The following ARFGAP3 variants were observed in gnomAD, a reference collection of about 807,000 sequenced individuals.
ARFGAP3 encodes ADP-ribosylation factor GTPase-activating protein 3.
A neutral mutation model predicts 75.0 loss-of-function variants in ARFGAP3; 72 were observed. The observed-to-expected ratio is 0.96, with a 90% CI of 0.79 to 1.17. The LOEUF (loss-of-function observed/expected upper bound fraction) is 1.17. Among genes scored for constraint, ARFGAP3 ranks in the 50% most tolerant of loss-of-function variants. ARFGAP3 has a pLI of 0.00. For missense variants in ARFGAP3, 620 were observed against 626.6 expected (o/e 0.99, Z 0.11); for synonymous variants, 221 against 217.9 (o/e 1.01, Z -0.13).
chr22:42,797,655 T>C (rs1293846666), intron 15 of ARFGAP3, 50 bp from the exon 16 acceptor site: 1 of 1,613,926 alleles, frequency 6.2e-7, no homozygotes, highest in Non-Finnish European at 8.5e-7. Context: ...CAGCGATCCC[T>C]GACTCCCACG....
chr22:42,808,334 G>A (rs1438288870), intron 13 of ARFGAP3, among the ~76,000 whole-genome samples: 1 of 151,292 alleles, frequency 6.6e-6, no homozygotes, highest in African/African-American at 2.4e-5. Context: ...GGAGGCGGAG[G>A]TTGCAGTAAG....
chr22:42,831,156 G>A (rs1463953646), intron 6 of ARFGAP3, among the ~76,000 whole-genome samples: 1 of 151,912 alleles, frequency 6.6e-6, no homozygotes, highest in Non-Finnish European at 1.5e-5. Context: ...GATGTGCGGT[G>A]CATGTCTGTA....
chr22:42,837,781 A>T (rs1426350503), intron 3 of ARFGAP3, among the ~76,000 whole-genome samples: 1 of 143,150 alleles, frequency 7.0e-6, no homozygotes. Context: ...CCTGGATTCA[A>T]GTGATTCTTC....
chr22:42,838,615 GCATA>G (rs1011678229), intron 3 of ARFGAP3, among the ~76,000 whole-genome samples: 4 of 151,720 alleles, frequency 2.6e-5, no homozygotes, highest in Admixed American at 2.6e-4. Context: ...TATTTGAAAT[GCATA>G]CAAATTTGAT....
intron 9 of ARFGAP3, among the ~76,000 whole-genome samples, chr22:42,818,655 G>A (rs1925682426): frequency 6.6e-6 from 1 of 151,368 alleles, no homozygotes; most frequent in Non-Finnish European, 1.5e-5. Context: ...AACATTTCAG[G>A]GCCCTGAAAA....
chr22:42,815,875 G>A (rs576771247), intron 11 of ARFGAP3, among the ~76,000 whole-genome samples: 64 of 152,304 alleles, frequency 4.2e-4, no homozygotes, highest in Non-Finnish European at 5.6e-4. Context: ...CACTTTGGGA[G>A]GCTGAGGCCA....
intron 3 of ARFGAP3, among the ~76,000 whole-genome samples, chr22:42,838,860 C>T (rs1926652687): frequency 6.6e-6 from 1 of 151,946 alleles, no homozygotes; most frequent in Admixed American, 6.6e-5. Flanking sequence ...CCTGTAATCC[C>T]AGCACTCTGG....
chr22:42,797,543 T>C lies in ARFGAP3; in HGVS notation c.*45A>G, dbSNP rs774425771. On this transcript the variant is annotated 3_prime_UTR_variant, in exon 16 of 16. Transcript: ENST00000263245. ...CGCCTGAGATGTGGTTACTTGTTCA[T>C]TTAAAGAGGAATTTCTCCAGGAAAT... 7 of 1,613,856 alleles carry C rather than the reference T, an allele frequency of 4.3e-6. No homozygotes were observed. The highest frequency in any genetic ancestry group is 3.3e-5 in the Admixed American group (2 of 60,002).
chr22:42,831,571 T>C lies in ARFGAP3; in HGVS notation c.543A>G (p.Glu181=), dbSNP rs145915372. The C allele has an allele frequency of 2.7e-3, 4,363 of 1,613,942 alleles. 11 individuals carry two copies. The highest frequency in any genetic ancestry group is 3.5e-3 in the Admixed American group (211 of 59,992). Reference sequence around the variant, plus strand: ...CACCTTCATTATTTTCCAAAGTGGTTTCCACAGGCCTTGATGTTAAAGAAG... The same window carrying C: ...CACCTTCATTATTTTCCAAAGTGGTCTCCACAGGCCTTGATGTTAAAGAAG... ...EPSSLTSRPV[E]TTLENNEGGQ... The change falls in exon 6 of 16, where the codon GAA becomes GAG. Residue 181 remains glutamate, a synonymous_variant. Coordinates refer to ENST00000263245, the MANE Select transcript of ARFGAP3 (RefSeq NM_014570.5).
Position 42,810,889 on chromosome 22 carries a change from T to C in ARFGAP3, c.1120A>G (p.Ser374Gly). Residue 374 changes from serine to glycine, a missense_variant, in exon 12 of 16, where the codon AGT becomes GGT. Transcript: ENST00000263245. Reference protein sequence around the residue: ...RSSSFSSWDDSSDSYWKKETS... With the variant: ...RSSSFSSWDDGSDSYWKKETS... The stretch of plus-strand genomic sequence containing the variant: ...TCTTTTTTCCAATAGGAATCTGAAC[T>C]GTCATCCCAGCTAGAGAAAGAACTG... 6.2e-7 allele frequency: 1 copy of C among 1,614,242 alleles called. No individual in the cohort carries two copies. The highest frequency in any genetic ancestry group is 8.5e-7 in the Non-Finnish European group (1 of 1,180,032).
chr22:42,832,403 G>A (rs756475488), intron 5 of ARFGAP3, among the ~76,000 whole-genome samples: 23 of 151,190 alleles, frequency 1.5e-4, no homozygotes, highest in Non-Finnish European at 2.7e-4. Flanking sequence ...TGGTGGTGTG[G>A]GCCTGTAATC....
In ARFGAP3 at chr22:42,834,293, C is replaced by T. The variant is rs1277342276; in HGVS notation, c.426G>A (p.Leu142=). Residue 142 remains leucine, a synonymous_variant, in exon 5 of 16, where the codon TTG becomes TTA. Transcript: ENST00000263245. ...AATCTTCCTCCTTTGGTGGAGGGGACAAAGGTGGAACCACACAACTATCAA... is the reference window on the plus strand; with the variant it reads ...AATCTTCCTCCTTTGGTGGAGGGGATAAAGGTGGAACCACACAACTATCAA... ...LWLDSCVVPP[L]SPPPKEEDFF... The T allele has an allele frequency of 6.2e-7, 1 of 1,613,764 alleles. No individual in the cohort carries two copies. Among genetic ancestry groups the T allele is most frequent in the South Asian group, 1.1e-5 (1 of 91,070 alleles).
At chr22:42,816,817 C>T (rs1756023732) in intron 11 of ARFGAP3, among the ~76,000 whole-genome samples, 1 of 152,268 alleles carries the variant, frequency 6.6e-6, no homozygotes, top group Admixed American at 6.5e-5. Context: ...TGAAATATTC[C>T]CACTGCTGGA....
rs750862839 is a variant in ARFGAP3 at position 42,826,933 on chromosome 22, A to G, written c.625+7T>C. 1.2e-6 allele frequency: 2 copies of G among 1,611,438 alleles called. No homozygotes were observed. The highest frequency in any genetic ancestry group is 2.2e-5 in the South Asian group (2 of 90,566). ...TAAATCAGAATGTAGGATTTTAAGC[A>G]TATTACCTAAAGTAGCCTTTGTTGG... On this transcript the variant is annotated splice_region_variant and intron_variant, in intron 7 of 15. Coordinates refer to ENST00000263245, the MANE Select transcript of ARFGAP3 (RefSeq NM_014570.5).
In ARFGAP3 at chr22:42,810,826, C is replaced by T; in HGVS notation, c.1183G>A (p.Gly395Ser). The T allele has an allele frequency of 6.2e-7, 1 of 1,613,986 alleles. No individual in the cohort carries two copies. Among genetic ancestry groups the T allele is most frequent in the Non-Finnish European group, 8.5e-7 (1 of 1,179,884 alleles). ...KDTETVLKTTGYSDRPTARRK... is the reference protein window; with the variant it reads ...KDTETVLKTTSYSDRPTARRK... ...TTGCATTCATACCTGTCTGAATAGC[C>T]TGTGGTTTTCAGAACTGTTTCAGTA... Residue 395 changes from glycine to serine, a missense_variant, in exon 12 of 16, where the codon GGC becomes AGC. By Grantham distance (56) the Gly-to-Ser change is moderately conservative. Transcript: ENST00000263245.
chr22:42,843,673 T>C (rs1926881625), intron 2 of ARFGAP3, among the ~76,000 whole-genome samples: 2 of 152,236 alleles, frequency 1.3e-5, no homozygotes, highest in Non-Finnish European at 1.5e-5. Context: ...GCAGTCTATC[T>C]TCTTATTTAC....
intron 1 of ARFGAP3, among the ~76,000 whole-genome samples, chr22:42,848,055 G>C (rs751781009): frequency 6.6e-6 from 1 of 151,332 alleles, no homozygotes; most frequent in African/African-American, 2.4e-5. Flanking sequence ...GTAGAGATGG[G>C]GTTTTACCAT....
chr22:42,820,706 G>C (rs189027779), intron 9 of ARFGAP3, among the ~76,000 whole-genome samples: 1 of 152,244 alleles, frequency 6.6e-6, no homozygotes, highest in East Asian at 1.9e-4. Flanking sequence ...TAGGGATCCA[G>C]GTTACTTTTC....
At position 42,829,624 on chromosome 22, in the gene ARFGAP3, C is replaced by T. The variant is rs148241738; in HGVS notation, c.565+1925G>A. On this transcript the variant is annotated intron_variant, in intron 6 of 15. Transcript: ENST00000263245. ...TTCTTTGCATAGTAAGGAAACAAGC[C>T]GTTTTTGTCTACATATGAATTGCAA... 1.6e-3 allele frequency among the ~76,000 whole-genome samples: 248 copies of T among 152,146 alleles called. 2 individuals carry two copies. Among genetic ancestry groups the T allele is most frequent in the African/African-American group, 5.7e-3 (238 of 41,512 alleles).
Sources: gnomAD v4.1 joint callset for allele counts (sites outside exome capture counted in the v4.1 genomes callset) on GRCh38, gnomAD v4.1.1 for gene constraint, MANE v1.5 for transcripts, NCBI Gene and HGNC (gene_info 2026-07-23, HGNC 2026-07-21) for gene names.